The following KMT2D variants were observed in gnomAD, a reference collection of about 807,000 sequenced individuals.
The protein encoded by KMT2D is histone-lysine N-methyltransferase 2D.
KMT2D carries 55 observed loss-of-function variants against 512.7 expected under a neutral mutation model. That is an observed-to-expected ratio of 0.11 (90% CI 0.09 to 0.13). KMT2D has a LOEUF of 0.13. KMT2D is among the 10% of genes least tolerant of loss of function. The pLI is 1.00. For missense variants in KMT2D, 6,061 were observed against 7,127.9 expected (o/e 0.85, Z 5.39); for synonymous variants, 2,995 against 2,904.0 (o/e 1.03, Z -1.01).
In KMT2D at chr12:49,032,557, C is replaced by T; in HGVS notation, c.12148G>A (p.Ala4050Thr). ...GPSTHQGGPL[A>T]IGTTPESMAT... ...ATTGACTCAGGGGTAGTTCCTATTGCTAACGGCCCTCCCTGATGTGTAGAG... is the reference window on the plus strand; with the variant it reads ...ATTGACTCAGGGGTAGTTCCTATTGTTAACGGCCCTCCCTGATGTGTAGAG... Residue 4050 changes from alanine (A) to threonine (T), a missense_variant, in exon 40 of 55, where the codon GCA becomes ACA. Physicochemically the swap from Ala to Thr is moderately conservative, Grantham distance 58. Around this residue, in one of 16 missense-constraint regions of KMT2D, gnomAD observed 1,600 missense variants for 1,754.9 expected, o/e 0.91. Coordinates refer to ENST00000301067, the MANE Select transcript of KMT2D (RefSeq NM_003482.4). 3.1e-6 allele frequency: 5 copies of T among 1,612,150 alleles called. No homozygotes were observed. The highest frequency in any genetic ancestry group is 4.2e-6 in the Non-Finnish European group (5 of 1,179,106).
In KMT2D at chr12:49,029,167, C is replaced by G. The variant is rs376628232; in HGVS notation, c.14145G>C (p.Leu4715Phe). ...IVPASSPESILGEEAPRFPHL... is the reference protein window; with the variant it reads ...IVPASSPESIFGEEAPRFPHL... ...GAGGGAAACGAGGGGCCTCCTCCCC[C>G]AAGATGCTCTCAGGGGATGAAGCTG... Residue 4715 changes from leucine (L) to phenylalanine (F), a missense_variant, in exon 45 of 55, where the codon TTG becomes TTC. Physicochemically the swap from Leu to Phe is conservative, Grantham distance 22. Around this residue, in one of 16 missense-constraint regions of KMT2D, gnomAD observed 1,600 missense variants for 1,754.9 expected, o/e 0.91. Coordinates refer to ENST00000301067, the MANE Select transcript of KMT2D (RefSeq NM_003482.4). 2 of 1,613,814 alleles carry G rather than the reference C, an allele frequency of 1.2e-6. No individual in the cohort carries two copies. Among genetic ancestry groups the G allele is most frequent in the South Asian group, 1.1e-5 (1 of 91,084 alleles).
rs200638996 is a variant in KMT2D at position 49,030,355 on chromosome 12, C to T, written c.13924G>A (p.Val4642Ile). 26 of 1,603,892 alleles carry T rather than the reference C, an allele frequency of 1.6e-5. No individual in the cohort carries two copies. The highest frequency in any genetic ancestry group is 6.7e-5 in the East Asian group (3 of 44,498). The change falls in exon 43 of 55, where the codon GTC (valine) becomes ATC (isoleucine). Residue 4642 changes from valine (V) to isoleucine (I), a missense_variant. Transcript: ENST00000301067. ...PSVQQKMVNG[V>I]TPSEELGEHP... ...TCCCCCAGCTCTTCAGATGGGGTGA[C>T]GCCATTCACCATCTTCTGCTGCACC...
chr12:49,051,043 C>A lies in KMT2D; in HGVS notation c.2640G>T (p.Leu880=), dbSNP rs2120662159. ...GTTCCCCAGGGGGAGGGAACAAGGGCAGCTCCTCAGGTGCAGGGCATTGGC... is the reference window on the plus strand; with the variant it reads ...GTTCCCCAGGGGGAGGGAACAAGGGAAGCTCCTCAGGTGCAGGGCATTGGC... ...EPGQCPAPEE[L]PLFPPPGEPS... The change falls in exon 11 of 55, where the codon CTG becomes CTT. Residue 880 remains leucine (L), a synonymous_variant. Transcript: ENST00000301067. The A allele has an allele frequency of 6.5e-7, 1 of 1,546,946 alleles. No individual in the cohort carries two copies.
Position 49,060,732 on chromosome 12 carries a change from A to G in KMT2D, c.-1157T>C, listed in dbSNP as rs1938705631. On this transcript the variant is annotated 5_prime_UTR_variant, in exon 1 of 55. Transcript: ENST00000301067. ...TCCGGGGGGGCCTTTTGCCCGGGGC[A>G]CCCCACTCGAGAGGGGGAGAAAGGA... 6.6e-6 allele frequency among the ~76,000 whole-genome samples: 1 copy of G among 152,082 alleles called. No individual in the cohort carries two copies. The highest frequency in any genetic ancestry group is 1.9e-4 in the East Asian group (1 of 5,170).
At chr12:49,033,992 G>T in intron 39 of KMT2D, 28 bp from the exon 40 acceptor site, 1 of 1,551,182 alleles carries the variant, frequency 6.4e-7, no homozygotes, top group Non-Finnish European at 8.7e-7. Flanking sequence ...GAGAGGTCAG[G>T]CTGGGGCATG....
Position 49,037,525 on chromosome 12 carries a change from C to A in KMT2D, c.9831G>T (p.Gln3277His). Residue 3277 changes from glutamine (Q) to histidine (H), a missense_variant, in exon 35 of 55, where the codon CAG becomes CAT. Physicochemically the swap from Gln to His is conservative, Grantham distance 24. Transcript: ENST00000301067. Reference sequence around the variant, plus strand: ...GTAGGGAATGCTGCTGCTGCTGTTGCTGCTGCTGCTGGGCAGGCTGCAACT... The same window carrying A: ...GTAGGGAATGCTGCTGCTGCTGTTGATGCTGCTGCTGGGCAGGCTGCAACT... ...SAQLQPAQQQ[Q>H]QQQQQHSLLS... The A allele has an allele frequency of 6.4e-7, 1 of 1,554,240 alleles. No homozygotes were observed. Among genetic ancestry groups the A allele is most frequent in the Non-Finnish European group, 8.7e-7 (1 of 1,148,366 alleles).
rs2120661043 is a variant in KMT2D, at chr12:49,050,976, G to T, written c.2707C>A (p.Pro903Thr). 6.4e-7 allele frequency: 1 copy of T among 1,563,886 alleles called. No homozygotes were observed. Among genetic ancestry groups the T allele is most frequent in the Non-Finnish European group, 8.6e-7 (1 of 1,156,480 alleles). ...AGAGGGGACAGAGGTGGTTCCCCAGGCTCAGACAGGGCTGGCTCTCCAAGC... is the reference window on the plus strand; with the variant it reads ...AGAGGGGACAGAGGTGGTTCCCCAGTCTCAGACAGGGCTGGCTCTCCAAGC... Reference protein sequence around the residue: ...PLLGEPALSEPGEPPLSPLPE... With the variant: ...PLLGEPALSETGEPPLSPLPE... The change falls in exon 11 of 55, where the codon CCT becomes ACT. Residue 903 changes from proline to threonine, a missense_variant. Pro to Thr is a conservative substitution (Grantham distance 38). This residue lies in a region of KMT2D where 848 missense variants were observed against 838.5 expected (regional missense o/e 1.01). Coordinates refer to ENST00000301067, the MANE Select transcript of KMT2D (RefSeq NM_003482.4).
Position 49,031,772 on chromosome 12 carries a change from T to C in KMT2D, c.12933A>G (p.Pro4311=), listed in dbSNP as rs370904991. The change falls in exon 40 of 55, where the codon CCA becomes CCG. Residue 4311 remains proline, a synonymous_variant. Coordinates refer to ENST00000301067, the MANE Select transcript of KMT2D (RefSeq NM_003482.4). ...VLGPVHPTPP[P]SSPQEPKRPS... ...GTCTCTTTGGCTCTTGAGGGCTGGATGGTGGAGGTGTGGGATGGACAGGGC... is the reference window on the plus strand; with the variant it reads ...GTCTCTTTGGCTCTTGAGGGCTGGACGGTGGAGGTGTGGGATGGACAGGGC... The C allele has an allele frequency of 6.2e-7, 1 of 1,611,410 alleles. No homozygotes were observed. Among genetic ancestry groups the C allele is most frequent in the African/African-American group, 1.3e-5 (1 of 74,850 alleles).
rs1252547098 is a variant in KMT2D at position 49,025,386 on chromosome 12, T to C, written c.15785-440A>G. Among the ~76,000 whole-genome samples, 3 of 152,252 alleles carry C rather than the reference T, an allele frequency of 2.0e-5. No homozygotes were observed. In the East Asian group the frequency reaches 5.8e-4, roughly 29 times the overall value. On this transcript the variant is annotated intron_variant, in intron 49 of 54. Coordinates refer to ENST00000301067, the MANE Select transcript of KMT2D (RefSeq NM_003482.4). ...TTATAATACTGTACTGTATTTTTAC[T>C]GTATCTTTTCTATGTCTAGATGCAC...
In KMT2D at chr12:49,031,645, G is replaced by A. The variant is rs755453168; in HGVS notation, c.13060C>T (p.Pro4354Ser). Residue 4354 changes from proline (P) to serine (S), a missense_variant, in exon 40 of 55, where the codon CCT becomes TCT. Transcript: ENST00000301067. ...GCAGCAGGTGAGACCCTCCCAGGAGGCGGCTCCAAGGTTGGCCCCTGAGGT... is the reference window on the plus strand; with the variant it reads ...GCAGCAGGTGAGACCCTCCCAGGAGACGGCTCCAAGGTTGGCCCCTGAGGT... ...PKPQGPTLEP[P>S]PGRVSPAAAQ... 6.2e-7 allele frequency: 1 copy of A among 1,605,976 alleles called. No homozygotes were observed. The highest frequency in any genetic ancestry group is 1.3e-5 in the African/African-American group (1 of 74,952).
chr12:49,032,467 G>T lies in KMT2D; in HGVS notation c.12238C>A (p.Pro4080Thr), dbSNP rs1250350337. 3 of 1,567,556 alleles carry T rather than the reference G, an allele frequency of 1.9e-6. No homozygotes were observed. In the African/African-American group the frequency reaches 4.1e-5, roughly 21 times the overall value. Residue 4080 changes from proline (P) to threonine (T), a missense_variant, in exon 40 of 55, where the codon CCC becomes ACC. Pro to Thr is a conservative substitution (Grantham distance 38, BLOSUM62 -1). Coordinates refer to ENST00000301067, the MANE Select transcript of KMT2D (RefSeq NM_003482.4). ...GAGCTGGGCTGAGGCTGGGGCTGGG[G>T]TTGGACAAGCAGGAGTTGTGAGTCC... The part of the protein sequence containing the change: ...SGDSQLLLVQ[P>T]QPQPQPSSLQ...
In KMT2D at chr12:49,026,298, T is replaced by A. The variant is rs779303083; in HGVS notation, c.15668A>T (p.Asn5223Ile). Residue 5223 changes from asparagine (N) to isoleucine (I), a missense_variant, in exon 49 of 55, where the codon AAT (asparagine) becomes ATT (isoleucine). Physicochemically the swap from Asn to Ile is moderately radical, Grantham distance 149. This residue lies in a region of KMT2D where 261 missense variants were observed against 440.7 expected (regional missense o/e 0.59). Coordinates refer to ENST00000301067, the MANE Select transcript of KMT2D (RefSeq NM_003482.4). The surrounding 1 kb of genome is among the most constrained non-coding windows in gnomAD (Gnocchi z 9.6). The stretch of plus-strand genomic sequence containing the variant: ...AGAACAGCGATAGCAGCAGCGACGA[T>A]TGTTGGTGCGGAGGCTCCAATAGAT... Reference protein sequence around the residue: ...TRIYWSLRTNNRRCCYRCSIG... With the variant: ...TRIYWSLRTNIRRCCYRCSIG... 1 of 1,611,476 alleles carries A rather than the reference T, an allele frequency of 6.2e-7. No individual in the cohort carries two copies. The highest frequency in any genetic ancestry group is 8.5e-7 in the Non-Finnish European group (1 of 1,177,912).
rs199547661 is a variant in KMT2D, at chr12:49,038,582, G to A, written c.8774C>T (p.Ala2925Val). Residue 2925 changes from alanine (A) to valine (V), a missense_variant, in exon 35 of 55, where the codon GCG becomes GTG. Transcript: ENST00000301067. This position sits in a 1 kb window ranked among gnomAD's most constrained non-coding sequence, Gnocchi z 5.7. ...RLAPEGLRGLAVSGLPPQKPS... is the reference protein window; with the variant it reads ...RLAPEGLRGLVVSGLPPQKPS... ...TTTCTGTGGGGGAAGACCTGATACCGCCAGGCCCCGAAGCCCTTCAGGAGC... is the reference window on the plus strand; with the variant it reads ...TTTCTGTGGGGGAAGACCTGATACCACCAGGCCCCGAAGCCCTTCAGGAGC... 3,437 of 1,612,538 alleles carry A rather than the reference G, an allele frequency of 2.1e-3. 2 individuals are homozygous for A. Among genetic ancestry groups the A allele is most frequent in the African/African-American group, 2.9e-3 (215 of 75,020 alleles).
Position 49,050,883 on chromosome 12 carries a change from T to C in KMT2D, c.2797+3A>G. 1 of 1,537,654 alleles carries C rather than the reference T, an allele frequency of 6.5e-7. No individual in the cohort carries two copies. The highest frequency in any genetic ancestry group is 8.8e-7 in the Non-Finnish European group (1 of 1,139,778). The stretch of plus-strand genomic sequence containing the variant: ...GAATAACAGAGTACTAACATCCCCT[T>C]ACCTGGTGGCATCAGCTGAGGCGAC... On this transcript the variant is annotated splice_donor_region_variant and intron_variant, in intron 11 of 54. Transcript: ENST00000301067.
rs771025627 is a variant in KMT2D, at chr12:49,054,097, C to T, written c.554G>A (p.Arg185His). The change falls in exon 6 of 55, where the codon CGC becomes CAC. Residue 185 changes from arginine to histidine, a missense_variant. By Grantham distance (29) the Arg-to-His change is conservative. Coordinates refer to ENST00000301067, the MANE Select transcript of KMT2D (RefSeq NM_003482.4). The surrounding 1 kb of genome is among the most constrained non-coding windows in gnomAD (Gnocchi z 6.4). ...CTRLGASIPC[R>H]SPGCPRLYHF... is the part of the protein sequence containing the mutation. The stretch of plus-strand genomic sequence containing the variant: ...GTAAAGCCGTGGACATCCAGGTGAG[C>T]GGCAAGGGATGGAGGCACCGAGCCT... 36 of 1,613,212 alleles carry T rather than the reference C, an allele frequency of 2.2e-5. No individual in the cohort carries two copies. Among genetic ancestry groups the T allele is most frequent in the South Asian group, 4.4e-5 (4 of 90,954 alleles).
Position 49,052,820 on chromosome 12 carries a change from C to A in KMT2D, c.1112+95G>T, listed in dbSNP as rs1941870414. 6.3e-6 allele frequency: 10 copies of A among 1,585,648 alleles called. No individual in the cohort carries two copies. In the Admixed American group the frequency reaches 1.0e-4, roughly 16 times the overall value. ...GTGGATGGCACTGCCCACCTTAGGGCTCTCCTCTCAAAGTCCACTCAATTT... is the reference window on the plus strand; with the variant it reads ...GTGGATGGCACTGCCCACCTTAGGGATCTCCTCTCAAAGTCCACTCAATTT... On this transcript the variant is annotated intron_variant, in intron 9 of 54. Coordinates refer to ENST00000301067, the MANE Select transcript of KMT2D (RefSeq NM_003482.4).
rs2120703811 is a variant in KMT2D, at chr12:49,054,053, C to G, written c.598G>C (p.Ala200Pro). ...TTCATGGATAGGAAGGAACCGCTGG[C>G]AGTCGCGCAGGGGAAGTGGTAAAGC... is the stretch of plus-strand genomic sequence containing the variant. The part of the protein sequence containing the change: ...PRLYHFPCAT[A>P]SGSFLSMKTL... The change falls in exon 6 of 55, where the codon GCC becomes CCC. Residue 200 changes from alanine (A) to proline (P), a missense_variant. Transcript: ENST00000301067. The surrounding 1 kb of genome is among the most constrained non-coding windows in gnomAD (Gnocchi z 6.4). 6.2e-7 allele frequency: 1 copy of G among 1,613,974 alleles called. No homozygotes were observed. Among genetic ancestry groups the G allele is most frequent in the Non-Finnish European group, 8.5e-7 (1 of 1,179,870 alleles).
Position 49,045,063 on chromosome 12 carries a change from T to A in KMT2D, c.4742-98A>T, listed in dbSNP as rs953922637. ...ATGTCCTTAGCTGAGACAAAGGCAG[T>A]GACAAAAGTCCAGCTTAGGGTCTAA... On this transcript the variant is annotated intron_variant, in intron 19 of 54. Transcript: ENST00000301067. 5 of 1,202,496 alleles carry A rather than the reference T, an allele frequency of 4.2e-6. No individual in the cohort carries two copies. The Admixed American group carries it at 7.5e-5, about 18-fold the overall frequency. 74.5% of individuals were successfully genotyped at this position (1,202,496 alleles called of 1,614,324 possible).
chr12:49,030,447 G>T lies in KMT2D; in HGVS notation c.13840-8C>A. On this transcript the variant is annotated splice_region_variant and splice_polypyrimidine_tract_variant and intron_variant, in intron 42 of 54. Coordinates refer to ENST00000301067, the MANE Select transcript of KMT2D (RefSeq NM_003482.4). Reference sequence around the variant, plus strand: ...CGGGTTACTCAGGTTATTCTGAGGGGTGGGGGGTGGGGTGTTGTGTGCAAG... The same window carrying T: ...CGGGTTACTCAGGTTATTCTGAGGGTTGGGGGGTGGGGTGTTGTGTGCAAG... 2 of 582,930 alleles carry T rather than the reference G, an allele frequency of 3.4e-6. No individual in the cohort carries two copies. The highest frequency in any genetic ancestry group is 5.3e-6 in the Non-Finnish European group (2 of 379,042). The allele number at this position is 582,930 out of a possible 1,614,324, so 36.1% of individuals were successfully genotyped here.
Sources: gnomAD v4.1 joint callset for allele counts (sites outside exome capture counted in the v4.1 genomes callset) on GRCh38, gnomAD v4.1.1 for gene constraint, gnomAD v4.1.1 regional missense constraint, Gnocchi (gnomAD v3.1) non-coding constraint, MANE v1.5 for transcripts, NCBI Gene and HGNC (gene_info 2026-07-23, HGNC 2026-07-21) for gene names.